The following USP32 variants were observed in gnomAD, a reference collection of about 807,000 sequenced individuals.
USP32 encodes ubiquitin specific peptidase 32, also known as ubiquitin carboxyl-terminal hydrolase 32.
Under a neutral mutation model 204.8 loss-of-function variants are expected in USP32, and 59 were observed. The ratio of observed to expected loss-of-function variants is 0.29; its 90% CI spans 0.23 to 0.36. The LOEUF is 0.36. Among genes scored for constraint, USP32 ranks in the 10% least tolerant of loss-of-function variants. The probability of loss-of-function intolerance (pLI) is 1.00; values close to 1 mark genes in which losing one functional copy is unlikely to be tolerated. For missense variants in USP32, 1,160 were observed against 1,946.4 expected, an observed-to-expected ratio of 0.60 and a Z score of 7.60; for synonymous variants, 517 against 678.4, an observed-to-expected ratio of 0.76 and a Z score of 3.70.
chr17:60,314,686 A>G (rs1397848929), intron 2 of USP32, among the ~76,000 whole-genome samples: 1 of 152,202 alleles, frequency 6.6e-6, no homozygotes. Flanking sequence ...TTTGAAGAAC[A>G]GTACTGAAAC....
chr17:60,312,577 C>T (rs1161571291), intron 2 of USP32, among the ~76,000 whole-genome samples: 2 of 150,882 alleles, frequency 1.3e-5, no homozygotes, highest in Non-Finnish European at 2.9e-5. Flanking sequence ...AGTAGCTGAG[C>T]GCACAGGAAC....
intron 1 of USP32, among the ~76,000 whole-genome samples, chr17:60,348,510 C>T (rs2088844258): frequency 6.6e-6 from 1 of 152,170 alleles, no homozygotes; most frequent in Non-Finnish European, 1.5e-5. Context: ...TGCAGTGGCT[C>T]ATACCTATAA....
intron 1 of USP32, among the ~76,000 whole-genome samples, chr17:60,357,223 G>T (rs1007224557): frequency 6.6e-6 from 1 of 152,188 alleles, no homozygotes; most frequent in African/African-American, 2.4e-5. Context: ...GGTCCAGGTG[G>T]GAGGACAGCT....
chr17:60,292,825 C>T (rs1160385418), intron 4 of USP32, among the ~76,000 whole-genome samples: 1 of 150,866 alleles, frequency 6.6e-6, no homozygotes, highest in African/African-American at 2.4e-5. Flanking sequence ...CTACTCAAAA[C>T]CTTCCAGTGG....
chr17:60,312,876 T>C (rs759359641), intron 2 of USP32, among the ~76,000 whole-genome samples: 5 of 152,222 alleles, frequency 3.3e-5, no homozygotes, highest in Non-Finnish European at 7.3e-5. Context: ...AGGCCCATGG[T>C]ATATGAATAC....
At position 60,226,139 on chromosome 17, in the gene USP32, T is replaced by C. The variant is rs372910497; in HGVS notation, c.1332A>G (p.Glu444=). Residue 444 remains glutamate, a synonymous_variant, in exon 13 of 34, where the codon GAA becomes GAG. Transcript: ENST00000300896. The stretch of plus-strand genomic sequence containing the variant: ...AACTGAGGCTGCTTCCAATTCTATC[T>C]TCGACCTGCTCCATAGGATGGGCTG... ...GTAAHPMEQV[E]DRIGSSLSYV... is the part of the protein sequence containing the mutation. The C allele has an allele frequency of 2.5e-4, 404 of 1,608,190 alleles. 1 individual carries two copies. The highest frequency in any genetic ancestry group is 3.1e-4 in the Non-Finnish European group (370 of 1,178,082).
intron 5 of USP32, among the ~76,000 whole-genome samples, chr17:60,276,976 A>G (rs1178865924): frequency 1.4e-5 from 2 of 144,832 alleles, no homozygotes; most frequent in Non-Finnish European, 2.9e-5. Context: ...TAAAATTACC[A>G]AACATTTTAC....
intron 1 of USP32, among the ~76,000 whole-genome samples, chr17:60,411,653 G>T (rs1364599135): frequency 6.6e-6 from 1 of 150,732 alleles, no homozygotes; most frequent in African/African-American, 2.4e-5. Flanking sequence ...GAGATTACAG[G>T]CATGCACCAC....
intron 9 of USP32, among the ~76,000 whole-genome samples, chr17:60,263,313 G>A (rs1038791581): frequency 6.6e-6 from 1 of 151,892 alleles, no homozygotes; most frequent in Non-Finnish European, 1.5e-5. Flanking sequence ...ACTATCCAAG[G>A]GTAACATCTA....
intron 11 of USP32, among the ~76,000 whole-genome samples, chr17:60,245,977 T>C (rs139643828): frequency 2.3e-3 from 344 of 152,150 alleles, no homozygotes; most frequent in African/African-American, 7.4e-3. Flanking sequence ...TGATCAAATA[T>C]GGTAATTAGG....
At chr17:60,414,510 C>A (rs1379557109) in intron 1 of USP32, among the ~76,000 whole-genome samples, 3 of 151,708 alleles carry the variant, frequency 2.0e-5, no homozygotes, top group South Asian at 2.1e-4. Context: ...CTCACTGCAA[C>A]CTCTGCCTCC....
At chr17:60,356,935 G>A (rs982235295) in intron 1 of USP32, among the ~76,000 whole-genome samples, 12 of 152,136 alleles carry the variant, frequency 7.9e-5, no homozygotes, top group South Asian at 2.1e-4. Context: ...TGAGAACACT[G>A]TCTCACCAAA....
chr17:60,326,595 G>A (rs2088245096), intron 2 of USP32, among the ~76,000 whole-genome samples: 1 of 152,280 alleles, frequency 6.6e-6, no homozygotes, highest in African/African-American at 2.4e-5. Context: ...CACTGTGCCC[G>A]GCCATGGTTT....
intron 16 of USP32, 149 bp from the exon 17 acceptor site, chr17:60,214,923 G>T (rs931416622): frequency 6.8e-7 from 1 of 1,477,492 alleles, no homozygotes; most frequent in African/African-American, 1.4e-5. Flanking sequence ...GTACCAAAAC[G>T]CTTTAAAATG....
Position 60,209,726 on chromosome 17 carries a change from C to G in USP32, c.2425-183G>C, listed in dbSNP as rs1300991923. On this transcript the variant is annotated intron_variant, in intron 21 of 33. Coordinates refer to ENST00000300896, the MANE Select transcript of USP32 (RefSeq NM_032582.4). ...TTTTGAATCTTAATGTCAAATGACC[C>G]CCCCCAAAAAAAGAGAAGTATTTTG... Among the ~76,000 whole-genome samples the G allele has an allele frequency of 2.0e-5, 3 of 151,694 alleles. No homozygotes were observed. The South Asian group carries it at 6.2e-4, about 31-fold the overall frequency.
chr17:60,329,179 G>A (rs942990792), intron 2 of USP32, among the ~76,000 whole-genome samples: 3 of 151,652 alleles, frequency 2.0e-5, no homozygotes, highest in Non-Finnish European at 4.4e-5. Context: ...TTCGTAAAAA[G>A]AAAGTGTTAA....
intron 13 of USP32, 133 bp downstream of exon 13, chr17:60,225,906 A>T (rs1174194010): frequency 6.5e-6 from 6 of 921,540 alleles, no homozygotes; most frequent in Non-Finnish European, 9.3e-6. Context: ...GTGAGCAGAG[A>T]TCGCGCCACT....
intron 27 of USP32, among the ~76,000 whole-genome samples, chr17:60,197,759 A>G (rs2084559921): frequency 6.6e-6 from 1 of 152,262 alleles, no homozygotes; most frequent in African/African-American, 2.4e-5. Context: ...AGAAAATGTT[A>G]ATTATTTTTA....
chr17:60,178,336 TC>T lies in USP32; in HGVS notation c.*918del, dbSNP rs1264123877. ...CACTAATTGTGAAACGTGATCTAGC[TC>T]CAATGCCACTTACCTTCCCAGAAGC... is the stretch of plus-strand genomic sequence containing the variant. On this transcript the variant is annotated 3_prime_UTR_variant, in exon 34 of 34. Transcript: ENST00000300896. Among the ~76,000 whole-genome samples the T allele has an allele frequency of 2.6e-5, 4 of 152,208 alleles. No individual in the cohort carries two copies. Among genetic ancestry groups the T allele is most frequent in the Non-Finnish European group, 4.4e-5 (3 of 68,034 alleles).
Sources: allele counts gnomAD v4.1 joint callset (sites outside exome capture counted in the v4.1 genomes callset), GRCh38; gene constraint gnomAD v4.1.1; transcripts MANE v1.5; gene names NCBI Gene and HGNC (gene_info 2026-07-23, HGNC 2026-07-21).